Variants in ENTREP2 observed in about 807,000 individuals in gnomAD.
The protein encoded by ENTREP2 is protein ENTREP2.
chr15:29,285,864 A>G, the ENTREP2 span, among the ~76,000 whole-genome samples: 1 of 152,190 alleles, frequency 6.6e-6, no homozygotes, highest in Non-Finnish European at 1.5e-5. Flanking sequence ...AGCTGAGTTC[A>G]GTCAAGGAAA....
At chr15:29,332,646 A>G in the ENTREP2 span, among the ~76,000 whole-genome samples, 341 of 152,292 alleles carry the variant, frequency 2.2e-3, 2 homozygotes, top group African/African-American at 7.6e-3. Context: ...AACATGTTGC[A>G]TAAGACATTT....
the ENTREP2 span, among the ~76,000 whole-genome samples, chr15:29,483,840 A>AT: frequency 1.1e-4 from 16 of 152,292 alleles, no homozygotes; most frequent in Admixed American, 1.0e-3. Flanking sequence ...TGATTATTAC[A>AT]TTTTTTAAAT....
At chr15:29,481,908 A>G in the ENTREP2 span, among the ~76,000 whole-genome samples, 2 of 152,290 alleles carry the variant, frequency 1.3e-5, no homozygotes, top group African/African-American at 4.8e-5. Flanking sequence ...AGCAAAATGG[A>G]GCAAAAAAGG....
the ENTREP2 span, among the ~76,000 whole-genome samples, chr15:29,396,825 T>C: frequency 2.6e-5 from 4 of 152,332 alleles, no homozygotes; most frequent in South Asian, 8.3e-4. Context: ...TTTTTTTGCA[T>C]GTGAACACAT....
At chr15:29,282,083 A>G in the ENTREP2 span, among the ~76,000 whole-genome samples, 5 of 152,336 alleles carry the variant, frequency 3.3e-5, no homozygotes, top group African/African-American at 9.6e-5. Context: ...ATGTATCCTC[A>G]TATGTCATGG....
chr15:29,527,409 C>G, the ENTREP2 span, among the ~76,000 whole-genome samples: 2 of 152,160 alleles, frequency 1.3e-5, no homozygotes, highest in Non-Finnish European at 2.9e-5. Context: ...GCTGATGAGT[C>G]TTTAGGAAAA....
chr15:29,497,310 AT>A, the ENTREP2 span, among the ~76,000 whole-genome samples: 2 of 151,866 alleles, frequency 1.3e-5, no homozygotes, highest in African/African-American at 2.4e-5. Flanking sequence ...TTTCTCTTCA[AT>A]TTTTTTTGGA....
At chr15:29,487,755 C>T in the ENTREP2 span, among the ~76,000 whole-genome samples, 14 of 152,194 alleles carry the variant, frequency 9.2e-5, no homozygotes, top group African/African-American at 2.9e-4. Flanking sequence ...TGCAGTGGCT[C>T]GATCTCAGCT....
At chr15:29,147,917 C>A in the ENTREP2 span, among the ~76,000 whole-genome samples, 1 of 151,882 alleles carries the variant, frequency 6.6e-6, no homozygotes, top group Non-Finnish European at 1.5e-5. Flanking sequence ...GATGAATAAG[C>A]AAAATGTAGT....
the ENTREP2 span, among the ~76,000 whole-genome samples, chr15:29,505,432 G>C: frequency 6.6e-6 from 1 of 152,168 alleles, no homozygotes; most frequent in Non-Finnish European, 1.5e-5. The surrounding 1 kb of genome is among the most constrained non-coding windows in gnomAD (Gnocchi z 4.3). Flanking sequence ...TCCTCTAGTG[G>C]GTCCCTGACC....
At chr15:29,537,358 G>A in the ENTREP2 span, among the ~76,000 whole-genome samples, 1 of 152,112 alleles carries the variant, frequency 6.6e-6, no homozygotes, top group African/African-American at 2.4e-5. Flanking sequence ...ACAGCATGCC[G>A]TTATCCTTAT....
At chr15:29,416,787 C>A in the ENTREP2 span, among the ~76,000 whole-genome samples, 6 of 152,158 alleles carry the variant, frequency 3.9e-5, no homozygotes, top group East Asian at 3.9e-4. Context: ...CAATGAACTC[C>A]AACAAATTTA....
the ENTREP2 span, among the ~76,000 whole-genome samples, chr15:29,385,510 G>A: frequency 6.6e-6 from 1 of 152,218 alleles, no homozygotes; most frequent in Non-Finnish European, 1.5e-5. Flanking sequence ...GTGGCAGGCA[G>A]AATTCTAAAA....
the ENTREP2 span, among the ~76,000 whole-genome samples, chr15:29,545,512 G>A: frequency 6.6e-6 from 1 of 152,224 alleles, no homozygotes; most frequent in Non-Finnish European, 1.5e-5. Context: ...TGGGATAAAT[G>A]TAGCTGCCAC....
At chr15:29,165,559 C>A in the ENTREP2 span, among the ~76,000 whole-genome samples, 3 of 152,134 alleles carry the variant, frequency 2.0e-5, no homozygotes, top group African/African-American at 4.8e-5. Flanking sequence ...CACCTTTACA[C>A]ACATCAACTA....
At chr15:29,442,175 G>C in the ENTREP2 span, among the ~76,000 whole-genome samples, 1 of 152,220 alleles carries the variant, frequency 6.6e-6, no homozygotes, top group South Asian at 2.1e-4. Context: ...CTTGTTAATA[G>C]ATGGGTAGGA....
the ENTREP2 span, among the ~76,000 whole-genome samples, chr15:29,315,010 C>T: frequency 6.6e-6 from 1 of 152,242 alleles, no homozygotes; most frequent in South Asian, 2.1e-4. Context: ...CGAGATCGTG[C>T]CACTGCACTC....
chr15:29,574,066 G>T, the ENTREP2 span, among the ~76,000 whole-genome samples: 235 of 152,254 alleles, frequency 1.5e-3, 1 homozygote, highest in Non-Finnish European at 1.4e-3. Flanking sequence ...AAGGAGAAAG[G>T]TAGGGAGAGA....
At chr15:29,157,228 C>T in the ENTREP2 span, among the ~76,000 whole-genome samples, 2 of 152,180 alleles carry the variant, frequency 1.3e-5, no homozygotes, top group African/African-American at 4.8e-5. Context: ...CGATGGAGAT[C>T]AGAACTGGAG....
Sources: allele counts gnomAD v4.1 joint callset (sites outside exome capture counted in the v4.1 genomes callset), GRCh38; gene constraint gnomAD v4.1.1; non-coding constraint Gnocchi (gnomAD v3.1); transcripts MANE v1.5; gene names NCBI Gene and HGNC (gene_info 2026-07-23, HGNC 2026-07-21).